PTPRN2: variants seen among roughly 807,000 people sequenced by gnomAD.
PTPRN2 encodes receptor-type tyrosine-protein phosphatase N2.
In PTPRN2, 74 loss-of-function variants were observed where a neutral mutation model predicts 118.8. The ratio of observed to expected loss-of-function variants is 0.62; its 90% confidence interval spans 0.52 to 0.76. The LOEUF (loss-of-function observed/expected upper bound fraction) is 0.76, where lower values mean the gene tolerates loss of function less well. PTPRN2 is among the 30% of genes least tolerant of loss of function. The probability of loss-of-function intolerance (pLI) is 0.00; values close to 1 mark genes in which losing one functional copy is unlikely to be tolerated. For missense variants in PTPRN2, 1,481 were observed against 1,394.4 expected, an observed-to-expected ratio of 1.06 and a Z score of -0.99; for synonymous variants, 641 against 608.0, an observed-to-expected ratio of 1.05 and a Z score of -0.80.
rs1293756535 is a variant in PTPRN2, at chr7:157,874,946, G to A, written c.1788+23727C>T. Among the ~76,000 whole-genome samples, 1 of 151,818 alleles carries A rather than the reference G, an allele frequency of 6.6e-6. No homozygotes were observed. On this transcript the variant is annotated intron_variant, in intron 12 of 22. Transcript: ENST00000389418. The surrounding 1 kb of genome is among the most constrained non-coding windows in gnomAD (Gnocchi z 5.8). Reference sequence around the variant, plus strand: ...ATACACAGAGAAACACTTGTGCACGGAGACACACTTGTGCACATACACAGA... The same window carrying A: ...ATACACAGAGAAACACTTGTGCACGAAGACACACTTGTGCACATACACAGA...
rs111204887 is a variant in PTPRN2, at chr7:158,249,261, G to A, written c.278-43988C>T. Reference sequence around the variant, plus strand: ...TCTACCACACATCCTGCATGCACACGCATCACACACATGCACACCATACAC... The same window carrying A: ...TCTACCACACATCCTGCATGCACACACATCACACACATGCACACCATACAC... On this transcript the variant is annotated intron_variant, in intron 3 of 22. Transcript: ENST00000389418. Among the ~76,000 whole-genome samples the A allele has an allele frequency of 4.3e-3, 620 of 145,716 alleles. 5 individuals are homozygous for A. The highest frequency in any genetic ancestry group is 0.015 in the African/African-American group (571 of 38,744).
intron 2 of PTPRN2, among the ~76,000 whole-genome samples, chr7:158,418,776 G>C (rs1268224609): frequency 6.6e-6 from 1 of 152,070 alleles, no homozygotes; most frequent in Non-Finnish European, 1.5e-5. Context: ...GTGTCCCACT[G>C]TGTTAAGTCA....
At chr7:157,659,813 C>G (rs566910516) in intron 13 of PTPRN2, among the ~76,000 whole-genome samples, 1 of 152,082 alleles carries the variant, frequency 6.6e-6, no homozygotes, top group Non-Finnish European at 1.5e-5. Context: ...GGCACGATCT[C>G]GGCTCACTGC....
rs1489679788 is a variant in PTPRN2, at chr7:157,962,654, C to T, written c.1724-63917G>A. 2.6e-5 allele frequency among the ~76,000 whole-genome samples: 4 copies of T among 152,200 alleles called. No homozygotes were observed. The South Asian group carries it at 8.3e-4, about 32-fold the overall frequency. On this transcript the variant is annotated intron_variant, in intron 11 of 22. Coordinates refer to ENST00000389418, the MANE Select transcript of PTPRN2 (RefSeq NM_002847.5). ...GCACATGGCAGGTACTTGAGGAACA[C>T]CTGTGGACAAGCTGGAAGAGTCCGG...
intron 11 of PTPRN2, among the ~76,000 whole-genome samples, chr7:158,076,970 C>T (rs191116248): frequency 1.3e-5 from 2 of 152,292 alleles, no homozygotes; most frequent in African/African-American, 2.4e-5. Flanking sequence ...TGCCTGGGGT[C>T]GATAGTTAAG....
chr7:158,400,598 C>T (rs1159095551), intron 2 of PTPRN2, among the ~76,000 whole-genome samples: 2 of 152,160 alleles, frequency 1.3e-5, no homozygotes, highest in Non-Finnish European at 2.9e-5. Flanking sequence ...TTTGTCATCT[C>T]AGCTACGATT....
intron 11 of PTPRN2, among the ~76,000 whole-genome samples, chr7:158,071,057 G>A (rs1238194158): frequency 4.1e-5 from 4 of 97,060 alleles, no homozygotes; most frequent in African/African-American, 2.0e-4. Flanking sequence ...GCTCATGGTG[G>A]TGGAGGTGCT....
At chr7:158,063,046 G>A (rs1810477170) in intron 11 of PTPRN2, among the ~76,000 whole-genome samples, 1 of 152,242 alleles carries the variant, frequency 6.6e-6, no homozygotes, top group African/African-American at 2.4e-5. Flanking sequence ...AGTCTAGTGA[G>A]GACTTGGAGA....
chr7:157,929,709 G>T lies in PTPRN2; in HGVS notation c.1724-30972C>A, dbSNP rs949357816. On this transcript the variant is annotated intron_variant, in intron 11 of 22. Transcript: ENST00000389418. The surrounding 1 kb of genome is among the most constrained non-coding windows in gnomAD (Gnocchi z 4.4). ...TAAGACTTCCCTGTCCCTCGGGTGGGGGCGGCATCCTCACAGGGGTGAGGA... is the reference window on the plus strand; with the variant it reads ...TAAGACTTCCCTGTCCCTCGGGTGGTGGCGGCATCCTCACAGGGGTGAGGA... Among the ~76,000 whole-genome samples, 1 of 152,156 alleles carries T rather than the reference G, an allele frequency of 6.6e-6. No homozygotes were observed. Among genetic ancestry groups the T allele is most frequent in the Non-Finnish European group, 1.5e-5 (1 of 68,024 alleles).
chr7:158,042,312 G>C (rs981082205), intron 11 of PTPRN2, among the ~76,000 whole-genome samples: 2 of 152,190 alleles, frequency 1.3e-5, no homozygotes, highest in Non-Finnish European at 2.9e-5. Context: ...CCCAGCAGAG[G>C]GGTCGGGAGT....
In PTPRN2 at chr7:158,126,329, C is replaced by A. The variant is rs113573682; in HGVS notation, c.1556+7348G>T. 2.6e-4 allele frequency among the ~76,000 whole-genome samples: 5 copies of A among 19,606 alleles called. 2 individuals carry two copies. The highest frequency in any genetic ancestry group is 1.5e-3 in the Admixed American group (2 of 1,318). 12.9% of individuals were successfully genotyped at this position (19,606 alleles called of 152,430 possible). ...CCACACCAGCCCCCAGGACAGCGGG[C>A]GGCGGAACTTCCTCTCCGCCACACC... On this transcript the variant is annotated intron_variant, in intron 9 of 22. Transcript: ENST00000389418.
chr7:157,969,136 A>G (rs1242540743), intron 11 of PTPRN2, among the ~76,000 whole-genome samples: 1 of 141,094 alleles, frequency 7.1e-6, no homozygotes, highest in East Asian at 2.1e-4. Flanking sequence ...TTTTTTTTTC[A>G]TCTTGCTCTG....
chr7:158,556,865 CAGGTCAGGCGGCTCCCGTGA>C (rs1159521295), intron 1 of PTPRN2, among the ~76,000 whole-genome samples: 2 of 148,396 alleles, frequency 1.3e-5, no homozygotes, highest in African/African-American at 5.0e-5. Flanking sequence ...AGCTCCCGGG[CAGGTCAGGCGGCTCCCGTGA>C]AGGTCAGGGG....
intron 3 of PTPRN2, among the ~76,000 whole-genome samples, chr7:158,212,193 A>G (rs1037900134): frequency 3.3e-4 from 50 of 152,258 alleles, no homozygotes; most frequent in Non-Finnish European, 7.1e-4. Flanking sequence ...GAGTAGAACA[A>G]CAGCTACCAG....
intron 2 of PTPRN2, among the ~76,000 whole-genome samples, chr7:158,478,159 G>A (rs566463732): frequency 1.2e-4 from 18 of 152,338 alleles, no homozygotes; most frequent in Non-Finnish European, 2.2e-4. Flanking sequence ...CACACAGCAC[G>A]GGAGCCGCGG....
At chr7:157,919,004 G>C (rs1171548514) in intron 11 of PTPRN2, among the ~76,000 whole-genome samples, 1 of 152,112 alleles carries the variant, frequency 6.6e-6, no homozygotes, top group Non-Finnish European at 1.5e-5. Context: ...GTTTTCCAGG[G>C]GGTTAAGCAA....
At chr7:158,257,811 G>T (rs1003128117) in intron 3 of PTPRN2, among the ~76,000 whole-genome samples, 6 of 152,248 alleles carry the variant, frequency 3.9e-5, no homozygotes, top group African/African-American at 7.2e-5. Flanking sequence ...TGCCAGGGGT[G>T]AGCCCGCCTG....
At chr7:158,392,613 G>A (rs1435075197) in intron 2 of PTPRN2, among the ~76,000 whole-genome samples, 3 of 152,150 alleles carry the variant, frequency 2.0e-5, no homozygotes, top group South Asian at 2.1e-4. Flanking sequence ...TCAACTCACC[G>A]GGGTCTGACC....
At chr7:158,081,836 T>A (rs1191154688) in intron 10 of PTPRN2, among the ~76,000 whole-genome samples, 3 of 152,224 alleles carry the variant, frequency 2.0e-5, no homozygotes, top group Non-Finnish European at 4.4e-5. Context: ...CTACTCTGTA[T>A]AAAAACAACT....
Sources: gnomAD v4.1 joint callset for allele counts (sites outside exome capture counted in the v4.1 genomes callset) on GRCh38, gnomAD v4.1.1 for gene constraint, Gnocchi (gnomAD v3.1) non-coding constraint, MANE v1.5 for transcripts, NCBI Gene and HGNC (gene_info 2026-07-23, HGNC 2026-07-21) for gene names.